CSPP1: variants seen among roughly 807,000 people sequenced by gnomAD.
The protein encoded by CSPP1 is centrosome and spindle pole-associated protein 1.
In CSPP1, 126 loss-of-function variants were observed where a neutral mutation model predicts 164.4. That is an observed-to-expected ratio of 0.77 (90% CI 0.66 to 0.89). The LOEUF is 0.89. Among genes scored for constraint, CSPP1 ranks in the 40% least tolerant of loss-of-function variants. The pLI is 0.00. For missense variants in CSPP1, 1,395 were observed against 1,449.8 expected, an observed-to-expected ratio of 0.96 and a Z score of 0.61; for synonymous variants, 472 against 476.7, an observed-to-expected ratio of 0.99 and a Z score of 0.13.
intron 4 of CSPP1, among the ~76,000 whole-genome samples, chr8:67,089,189 C>A (rs1811108337): frequency 6.6e-6 from 1 of 152,082 alleles, no homozygotes; most frequent in Non-Finnish European, 1.5e-5. Flanking sequence ...TTAAAACAAA[C>A]AACTACCATC....
At chr8:67,141,713 G>T (rs748050619) in intron 17 of CSPP1, among the ~76,000 whole-genome samples, 5 of 152,148 alleles carry the variant, frequency 3.3e-5, no homozygotes, top group East Asian at 1.9e-4. Context: ...TAAAGATGGG[G>T]TTTCACCATG....
chr8:67,184,666 G>C (rs1833934739), intron 28 of CSPP1, among the ~76,000 whole-genome samples: 2 of 151,860 alleles, frequency 1.3e-5, no homozygotes, highest in Non-Finnish European at 2.9e-5. Context: ...GGAGGTTACA[G>C]TGAGCTGAAA....
chr8:67,069,290 G>A (rs1806223885), intron 1 of CSPP1: 1 of 152,046 alleles, frequency 6.6e-6, no homozygotes, highest in Non-Finnish European at 1.5e-5. Flanking sequence ...TTAGATACAG[G>A]AAAAATTTAG....
chr8:67,149,596 A>G (rs1050470055), intron 17 of CSPP1, among the ~76,000 whole-genome samples, 187 bp from the exon 18 acceptor site: 2 of 152,146 alleles, frequency 1.3e-5, no homozygotes, highest in Admixed American at 6.6e-5. Context: ...TTTAAGGATT[A>G]TTTTTTGAAA....
chr8:67,125,361 A>T (rs1819852162), intron 15 of CSPP1, among the ~76,000 whole-genome samples: 1 of 152,134 alleles, frequency 6.6e-6, no homozygotes, highest in Non-Finnish European at 1.5e-5. Context: ...ATGAATGGTT[A>T]TTCTCTTGCT....
intron 19 of CSPP1, chr8:67,157,752 G>C (rs1008100650): frequency 6.6e-6 from 1 of 152,084 alleles, no homozygotes; most frequent in African/African-American, 2.4e-5. Flanking sequence ...CTCATTCATC[G>C]GGCGTGTGGA....
At chr8:67,181,075 T>A (rs1832903768) in intron 28 of CSPP1, among the ~76,000 whole-genome samples, 1 of 152,086 alleles carries the variant, frequency 6.6e-6, no homozygotes, top group Non-Finnish European at 1.5e-5. Flanking sequence ...TCTTGCTCTG[T>A]CGCCCAGGCT....
At chr8:67,182,087 G>T (rs1359011209) in intron 28 of CSPP1, among the ~76,000 whole-genome samples, 1 of 151,978 alleles carries the variant, frequency 6.6e-6, no homozygotes, top group Non-Finnish European at 1.5e-5. Flanking sequence ...CTGCAGCCTT[G>T]ACCTCCCTGT....
intron 23 of CSPP1, 21 bp from the exon 24 acceptor site, chr8:67,164,370 C>A: frequency 9.0e-7 from 1 of 1,113,882 alleles, no homozygotes; most frequent in Non-Finnish European, 1.4e-6. Context: ...TTGTGTTTTA[C>A]TTATCAATGG....
Position 67,101,573 on chromosome 8 carries a change from C to T in CSPP1, c.924-1464C>T, listed in dbSNP as rs76805551. On this transcript the variant is annotated intron_variant, in intron 7 of 30. Transcript: ENST00000678616. ...TGACACTAAACTGATGTGTCATTCA[C>T]ACATCAGAATGTGTGTATGTGATCT... 1.3e-3 allele frequency among the ~76,000 whole-genome samples: 198 copies of T among 152,202 alleles called. 7 individuals carry two copies. In the East Asian group the frequency reaches 0.036, roughly 28 times the overall value.
intron 8 of CSPP1, among the ~76,000 whole-genome samples, chr8:67,105,244 T>G (rs1246714705): frequency 6.6e-6 from 1 of 151,920 alleles, no homozygotes; most frequent in Non-Finnish European, 1.5e-5. Context: ...CAGGCTGGTC[T>G]CAAGCTCCAG....
rs77170583 is a variant in CSPP1 at position 67,075,182 on chromosome 8, G to A, written c.99+831G>A. On this transcript the variant is annotated intron_variant, in intron 2 of 30. Coordinates refer to ENST00000678616, the MANE Select transcript of CSPP1 (RefSeq NM_001382391.1). ...TTTAGCAAATACTTACTGAGATTGT[G>A]TTAGGTATTATGCTAAGCTCTGAGA... Among the ~76,000 whole-genome samples, 89 of 152,320 alleles carry A rather than the reference G, an allele frequency of 5.8e-4. 1 individual carries two copies. The East Asian group carries it at 0.016, about 27-fold the overall frequency.
At chr8:67,079,581 C>T (rs1406344202) in intron 3 of CSPP1, among the ~76,000 whole-genome samples, 1 of 152,160 alleles carries the variant, frequency 6.6e-6, no homozygotes, top group Non-Finnish European at 1.5e-5. Flanking sequence ...AGTCTAGCCC[C>T]GTGTATCAAA....
intron 29 of CSPP1, among the ~76,000 whole-genome samples, chr8:67,191,404 T>C (rs1356733681): frequency 6.6e-6 from 1 of 152,248 alleles, no homozygotes; most frequent in Non-Finnish European, 1.5e-5. Flanking sequence ...ATGTTGCTAT[T>C]AGCGTTATTA....
At chr8:67,070,071 G>T (rs1806406461) in intron 1 of CSPP1, among the ~76,000 whole-genome samples, 1 of 152,018 alleles carries the variant, frequency 6.6e-6, no homozygotes. Context: ...AAGATTAGAG[G>T]ATTTTGAGGA....
chr8:67,125,303 T>C (rs528070876), intron 15 of CSPP1, among the ~76,000 whole-genome samples: 1 of 152,304 alleles, frequency 6.6e-6, no homozygotes, highest in African/African-American at 2.4e-5. Flanking sequence ...CCCTAGCCTT[T>C]ATGGTTTCTG....
chr8:67,116,693 A>G (rs1817995294), intron 13 of CSPP1, among the ~76,000 whole-genome samples: 2 of 152,166 alleles, frequency 1.3e-5, no homozygotes, highest in Non-Finnish European at 2.9e-5. Context: ...ATAATAGAAT[A>G]TACATAAAGA....
Position 67,112,045 on chromosome 8 carries a change from G to A in CSPP1, c.1167G>A (p.Glu389=), listed in dbSNP as rs1816958483. 6.2e-7 allele frequency: 1 copy of A among 1,611,032 alleles called. No individual in the cohort carries two copies. Among genetic ancestry groups the A allele is most frequent in the Non-Finnish European group, 8.5e-7 (1 of 1,178,148 alleles). The change falls in exon 10 of 31, where the codon GAG becomes GAA. Residue 389 remains glutamate, a synonymous_variant. Coordinates refer to ENST00000678616, the MANE Select transcript of CSPP1 (RefSeq NM_001382391.1). Reference sequence around the variant, plus strand: ...TAGAACTGTTGGAACAAATGGCTGAGCAACAGAGGAACAAGAGACGGTAAT... The same window carrying A: ...TAGAACTGTTGGAACAAATGGCTGAACAACAGAGGAACAAGAGACGGTAAT... ...YRLELLEQMA[E]QQRNKRREKD...
chr8:67,195,204 C>T (rs1413066658), intron 30 of CSPP1, among the ~76,000 whole-genome samples, 178 bp from the exon 31 acceptor site: 2 of 152,062 alleles, frequency 1.3e-5, no homozygotes, highest in East Asian at 1.9e-4. Context: ...CCACTCTCCT[C>T]CCTCTAAAAT....
Sources: gnomAD v4.1 joint callset for allele counts (sites outside exome capture counted in the v4.1 genomes callset) on GRCh38, gnomAD v4.1.1 for gene constraint, MANE v1.5 for transcripts, NCBI Gene and HGNC (gene_info 2026-07-23, HGNC 2026-07-21) for gene names.